The following DCT variants were observed in gnomAD, a reference collection of about 807,000 sequenced individuals.
The protein encoded by DCT is dopachrome tautomerase.
A neutral mutation model predicts 53.0 loss-of-function variants in DCT; 47 were observed. The observed-to-expected ratio is 0.89, with a 90% CI of 0.70 to 1.13. The LOEUF (loss-of-function observed/expected upper bound fraction) is 1.13, where lower values mean the gene tolerates loss of function less well. Among genes scored for constraint, DCT ranks in the 50% most tolerant of loss-of-function variants. The probability of loss-of-function intolerance (pLI) is 0.00; values close to 1 mark genes in which losing one functional copy is unlikely to be tolerated. For missense variants in DCT, 669 were observed against 637.4 expected (o/e 1.05, Z -0.53); for synonymous variants, 244 against 237.0 (o/e 1.03, Z -0.27).
intron 6 of DCT, among the ~76,000 whole-genome samples, chr13:94,458,888 TG>T (rs1883590038): frequency 6.6e-6 from 1 of 152,126 alleles, no homozygotes; most frequent in Non-Finnish European, 1.5e-5. Flanking sequence ...AGTTTGTTTT[TG>T]TTTTTGAAAC....
chr13:94,461,968 C>A (rs1391577647), intron 5 of DCT, 42 bp downstream of exon 5: 2 of 1,563,040 alleles, frequency 1.3e-6, no homozygotes, highest in East Asian at 2.3e-5. Flanking sequence ...GCATGAAAAC[C>A]TGTACTGTAC....
At chr13:94,518,110 G>GAAGAAAGA in the DCT span, among the ~76,000 whole-genome samples, 1 of 74,026 alleles carries the variant, frequency 1.4e-5, no homozygotes, top group African/African-American at 6.0e-5. Context: ...GAAACGAAGG[G>GAAGAAAGA]AAGGAAGGAA....
chr13:94,466,752 C>T, intron 2 of DCT, 94 bp from the exon 3 acceptor site: 1 of 698,976 alleles, frequency 1.4e-6, no homozygotes, highest in Non-Finnish European at 2.3e-6. Flanking sequence ...CCAATAAGTC[C>T]ATGATGTTTT....
the DCT span, among the ~76,000 whole-genome samples, chr13:94,513,758 G>A: frequency 1.3e-5 from 2 of 152,022 alleles, no homozygotes; most frequent in Non-Finnish European, 2.9e-5. Context: ...AGGCCAAGGT[G>A]GGTGGATCAC....
intron 1 of DCT, 98 bp from the exon 2 acceptor site, chr13:94,469,143 G>A (rs1267160988): frequency 9.5e-7 from 1 of 1,053,842 alleles, no homozygotes; most frequent in South Asian, 1.5e-5. Flanking sequence ...AAGAGAAGAT[G>A]AAGGTGCTTA....
the DCT span, among the ~76,000 whole-genome samples, chr13:94,511,874 G>A: frequency 6.6e-6 from 1 of 151,058 alleles, no homozygotes; most frequent in Admixed American, 6.6e-5. Context: ...GTGTGTTTGT[G>A]TTTTAAGAGA....
chr13:94,446,123 A>G (rs1264839444), intron 6 of DCT, among the ~76,000 whole-genome samples: 1 of 152,210 alleles, frequency 6.6e-6, no homozygotes, highest in Non-Finnish European at 1.5e-5. Context: ...TGAGATGAAT[A>G]AAACACAGCC....
the DCT span, among the ~76,000 whole-genome samples, chr13:94,506,685 T>A: frequency 2.6e-5 from 4 of 152,296 alleles, no homozygotes; most frequent in East Asian, 7.7e-4. Flanking sequence ...AGAGTGTATT[T>A]ACATAGTCTC....
At chr13:94,441,956 CCA>C (rs1318910399) in intron 7 of DCT, among the ~76,000 whole-genome samples, 6 of 152,234 alleles carry the variant, frequency 3.9e-5, no homozygotes, top group African/African-American at 7.2e-5. Flanking sequence ...TTTTACATTC[CCA>C]CCAGCAATGC....
intron 7 of DCT, among the ~76,000 whole-genome samples, chr13:94,441,510 A>G (rs1197801071): frequency 1.3e-5 from 2 of 152,162 alleles, no homozygotes; most frequent in Non-Finnish European, 2.9e-5. Context: ...CCCACCAAAC[A>G]GTAACTCCCT....
chr13:94,460,113 G>T lies in DCT; in HGVS notation c.1157C>A (p.Ala386Asp). 1 of 1,614,036 alleles carries T rather than the reference G, an allele frequency of 6.2e-7. No homozygotes were observed. Among genetic ancestry groups the T allele is most frequent in the South Asian group, 1.1e-5 (1 of 91,044 alleles). ...LNGTNALPHS[A>D]ANDPIFVVLH... ...TACCACAAAAATGGGATCATTGGCGGCTGAATGTGGCAAAGCGTTTGTCCC... is the reference window on the plus strand; with the variant it reads ...TACCACAAAAATGGGATCATTGGCGTCTGAATGTGGCAAAGCGTTTGTCCC... Residue 386 changes from alanine (A) to aspartate (D), a missense_variant, in exon 6 of 8, where the codon GCC becomes GAC. Transcript: ENST00000377028.
the DCT span, among the ~76,000 whole-genome samples, chr13:94,545,509 G>A: frequency 6.6e-6 from 1 of 151,902 alleles, no homozygotes; most frequent in African/African-American, 2.4e-5. Context: ...CCAACTTTAG[G>A]CCAACCACAA....
In DCT at chr13:94,437,772, A is replaced by C. The variant is rs1881993847; in HGVS notation, c.*2126T>G. 1 of 152,254 alleles carries C rather than the reference A, an allele frequency of 6.6e-6. No homozygotes were observed. Among genetic ancestry groups the C allele is most frequent in the African/African-American group, 2.4e-5 (1 of 41,478 alleles). The allele number at this position is 152,254 out of a possible 1,614,324, so 9.4% of individuals were successfully genotyped here. A position where few individuals can be genotyped will look rare whatever the true frequency, so the allele number is the denominator to read the frequency against. ...TTCATAATTGATTTATTGTAAGGTC[A>C]GAAAATGCTAGAAAATTGTATTTCT... On this transcript the variant is annotated 3_prime_UTR_variant, in exon 8 of 8. Coordinates refer to ENST00000377028, the MANE Select transcript of DCT (RefSeq NM_001922.5).
At chr13:94,480,917 CA>C (rs775152570), upstream of DCT, among the ~76,000 whole-genome samples, 13 of 152,214 alleles carry the variant, frequency 8.5e-5, no homozygotes, top group Admixed American at 3.3e-4. Context: ...CTGAAAACAA[CA>C]GAAATCTATT....
At chr13:94,544,426 A>C in the DCT span, among the ~76,000 whole-genome samples, 221 of 152,324 alleles carry the variant, frequency 1.5e-3, no homozygotes, top group African/African-American at 5.1e-3. Context: ...ATAGCAAAAT[A>C]TTTGTGCTCC....
At chr13:94,491,484 T>C in the DCT span, among the ~76,000 whole-genome samples, 1 of 152,184 alleles carries the variant, frequency 6.6e-6, no homozygotes, top group Non-Finnish European at 1.5e-5. Flanking sequence ...TAAGGTCACA[T>C]TCTGGGTTAC....
chr13:94,481,888 C>G (rs955061444), upstream of DCT, among the ~76,000 whole-genome samples: 3 of 152,182 alleles, frequency 2.0e-5, no homozygotes, highest in Admixed American at 6.5e-5. Context: ...CTTCTCTTTC[C>G]CACCTCCCCA....
chr13:94,485,358 G>T, the DCT span, among the ~76,000 whole-genome samples: 1 of 152,110 alleles, frequency 6.6e-6, no homozygotes, highest in South Asian at 2.1e-4. Flanking sequence ...TCCAAAGGAT[G>T]TCATGGCCAT....
chr13:94,503,088 A>G, the DCT span, among the ~76,000 whole-genome samples: 2 of 152,314 alleles, frequency 1.3e-5, no homozygotes, highest in East Asian at 3.9e-4. Context: ...CTTTGAAAAT[A>G]CAGTTAGGTT....
Sources: allele counts gnomAD v4.1 joint callset (sites outside exome capture counted in the v4.1 genomes callset), GRCh38; gene constraint gnomAD v4.1.1; transcripts MANE v1.5; gene names NCBI Gene and HGNC (gene_info 2026-07-23, HGNC 2026-07-21).